ADAM17: variants seen among roughly 807,000 people sequenced by gnomAD.
The protein encoded by ADAM17 is disintegrin and metalloproteinase domain-containing protein 17.
In ADAM17, 39 loss-of-function variants were observed where a neutral mutation model predicts 96.7. The observed-to-expected ratio is 0.40, with a 90% confidence interval of 0.31 to 0.53. ADAM17 has a LOEUF of 0.53. Among genes scored for constraint, ADAM17 ranks in the 20% least tolerant of loss-of-function variants. The probability of loss-of-function intolerance (pLI) is 0.44; values close to 1 mark genes in which losing one functional copy is unlikely to be tolerated. For synonymous variants in ADAM17, 344 were observed against 359.2 expected (o/e 0.96, Z 0.48); for missense variants, 777 against 1,013.2 (o/e 0.77, Z 3.17).
At chr2:9,532,494 T>C (rs777175277) in intron 4 of ADAM17, among the ~76,000 whole-genome samples, 22 of 152,102 alleles carry the variant, frequency 1.4e-4, no homozygotes, top group Non-Finnish European at 5.9e-5. Context: ...ATGTGTGAGA[T>C]AGGGTCTCGC....
Position 9,501,029 on chromosome 2 carries a change from G to A in ADAM17, c.1648+1144C>T, listed in dbSNP as rs116482359. On this transcript the variant is annotated intron_variant, in intron 13 of 18. Transcript: ENST00000310823. ...AAATGATGGATTTGATTACGTTAAA[G>A]ATTTCTGTTCTGAGAATGGCAACAG... Among the ~76,000 whole-genome samples, 451 of 151,884 alleles carry A rather than the reference G, an allele frequency of 3.0e-3. 2 individuals carry two copies. The highest frequency in any genetic ancestry group is 0.011 in the African/African-American group (438 of 41,290).
intron 10 of ADAM17, among the ~76,000 whole-genome samples, chr2:9,511,924 T>C (rs1039514272): frequency 3.3e-5 from 5 of 152,036 alleles, no homozygotes; most frequent in African/African-American, 1.2e-4. Context: ...TGAGCCGAGA[T>C]AGGCCACTGA....
At position 9,491,129 on chromosome 2, in the gene ADAM17, T is replaced by C. The variant is rs1662107386; in HGVS notation, c.2105A>G (p.Tyr702Cys). ...HCVDKKLDKQ[Y>C]ESLSLFHPSN... ...GGGGTGAAACAGAGACAGAGATTCA[T>C]ACTGTTTATCCAATTTCTTATCCTA... is the stretch of plus-strand genomic sequence containing the variant. The change falls in exon 18 of 19, where the codon TAT becomes TGT. Residue 702 changes from tyrosine to cysteine, a missense_variant. By Grantham distance (194) the Tyr-to-Cys change is radical (BLOSUM62 -2). This residue lies in a region of ADAM17 where 197 missense variants were observed against 219.4 expected (regional missense o/e 0.90). Coordinates refer to ENST00000310823, the MANE Select transcript of ADAM17 (RefSeq NM_003183.6). The C allele has an allele frequency of 1.2e-6, 2 of 1,613,184 alleles. No individual in the cohort carries two copies. The highest frequency in any genetic ancestry group is 3.3e-5 in the Admixed American group (2 of 59,974).
At chr2:9,491,584 T>C (rs1466299772) in intron 17 of ADAM17, among the ~76,000 whole-genome samples, 2 of 109,982 alleles carry the variant, frequency 1.8e-5, no homozygotes, top group African/African-American at 3.2e-5. Flanking sequence ...CCCCGGCCCA[T>C]GGCCTCACTC....
intron 10 of ADAM17, among the ~76,000 whole-genome samples, chr2:9,516,322 C>G (rs1184298390): frequency 6.6e-6 from 1 of 152,146 alleles, no homozygotes; most frequent in Non-Finnish European, 1.5e-5. Flanking sequence ...CTCCTGGGCT[C>G]AAGTGATTCT....
chr2:9,523,080 A>T (rs1664375272), intron 7 of ADAM17, among the ~76,000 whole-genome samples, 169 bp downstream of exon 7: 1 of 152,206 alleles, frequency 6.6e-6, no homozygotes, highest in South Asian at 2.1e-4. Context: ...CACAATCTAG[A>T]ACTAATTAAC....
At chr2:9,543,066 A>G in intron 2 of ADAM17, 87 bp downstream of exon 2, 1 of 1,375,672 alleles carries the variant, frequency 7.3e-7, no homozygotes, top group Non-Finnish European at 9.7e-7. Flanking sequence ...TAATTTCCCA[A>G]GATTTCAGTA....
intron 14 of ADAM17, among the ~76,000 whole-genome samples, chr2:9,496,743 C>T (rs1211840345): frequency 6.6e-6 from 1 of 152,148 alleles, no homozygotes; most frequent in Admixed American, 6.5e-5. Flanking sequence ...TAGTTCCATG[C>T]CAATGTAATG....
At chr2:9,497,347 CCTTG>C in intron 13 of ADAM17, 99 bp from the exon 14 acceptor site, 1 of 1,512,788 alleles carries the variant, frequency 6.6e-7, no homozygotes, top group Admixed American at 2.0e-5. Context: ...GAGCATCTTA[CCTTG>C]CAAAAGCAAA....
chr2:9,555,212 T>C (rs1665702425), intron 1 of ADAM17, among the ~76,000 whole-genome samples: 2 of 151,880 alleles, frequency 1.3e-5, no homozygotes, highest in African/African-American at 2.4e-5. Flanking sequence ...GCCACCCTAC[T>C]CCTTACCGCT....
At chr2:9,530,335 T>C (rs1664688583) in intron 4 of ADAM17, among the ~76,000 whole-genome samples, 1 of 152,208 alleles carries the variant, frequency 6.6e-6, no homozygotes, top group Non-Finnish European at 1.5e-5. Context: ...TGGGATCAGA[T>C]ATATCTGAGT....
chr2:9,542,645 C>G (rs1009945029), intron 2 of ADAM17, among the ~76,000 whole-genome samples: 1 of 152,160 alleles, frequency 6.6e-6, no homozygotes, highest in African/African-American at 2.4e-5. Context: ...ATTAACACCT[C>G]TGCAATATCT....
chr2:9,528,562 C>A (rs1664619433), intron 4 of ADAM17, among the ~76,000 whole-genome samples: 1 of 152,194 alleles, frequency 6.6e-6, no homozygotes. Flanking sequence ...CAGAGTAAAT[C>A]ACAATTAACA....
At chr2:9,518,381 A>C (rs1296910092) in intron 8 of ADAM17, 134 bp from the exon 9 acceptor site, 1 of 1,115,892 alleles carries the variant, frequency 9.0e-7, no homozygotes, top group Non-Finnish European at 1.2e-6. Context: ...CAGCACCAGC[A>C]ATCACAACCT....
At chr2:9,496,360 C>A (rs1662599495) in intron 14 of ADAM17, 3 of 151,322 alleles carry the variant, frequency 2.0e-5, no homozygotes, top group Admixed American at 1.3e-4. Context: ...AAACTCCTGA[C>A]CTCAAGTGAT....
chr2:9,515,777 CCAA>C (rs1664028552), intron 10 of ADAM17, among the ~76,000 whole-genome samples: 1 of 151,610 alleles, frequency 6.6e-6, no homozygotes, highest in East Asian at 1.9e-4. Context: ...AAAGAAACTG[CCAA>C]CTGCCTTCCA....
rs34863481 is a variant in ADAM17, at chr2:9,518,259, CAAAAA to C, written c.958-17_958-13del. 2.0e-3 allele frequency: 1,638 copies of C among 813,948 alleles called. No individual in the cohort carries two copies. Among genetic ancestry groups the C allele is most frequent in the East Asian group, 4.9e-3 (89 of 18,028 alleles). 50.4% of individuals were successfully genotyped at this position (813,948 alleles called of 1,614,324 possible). A position where few individuals can be genotyped will look rare whatever the true frequency, so the allele number is the denominator to read the frequency against. ...TCAAAGCTAAATTGCTTTGAAAGAC[CAAAAA>C]AAAAAAAAAAAAAAAAAGCATTCTT... On this transcript the variant is annotated splice_polypyrimidine_tract_variant and intron_variant, in intron 8 of 18. Coordinates refer to ENST00000310823, the MANE Select transcript of ADAM17 (RefSeq NM_003183.6).
chr2:9,506,258 C>T (rs1361156130), intron 11 of ADAM17, among the ~76,000 whole-genome samples: 1 of 151,534 alleles, frequency 6.6e-6, no homozygotes, highest in Non-Finnish European at 1.5e-5. Context: ...GTGCCTGTAA[C>T]CACCAAATCA....
chr2:9,496,000 T>C (rs1328444957), intron 14 of ADAM17, among the ~76,000 whole-genome samples: 2 of 151,646 alleles, frequency 1.3e-5, no homozygotes, highest in Non-Finnish European at 2.9e-5. Flanking sequence ...GCCCTCAACC[T>C]ATCTTCTTTA....
Sources: allele counts gnomAD v4.1 joint callset (sites outside exome capture counted in the v4.1 genomes callset), GRCh38; gene constraint gnomAD v4.1.1; regional missense constraint gnomAD v4.1.1; transcripts MANE v1.5; gene names NCBI Gene and HGNC (gene_info 2026-07-23, HGNC 2026-07-21).